The following CSMD1 variants were observed in gnomAD, a reference collection of about 807,000 sequenced individuals.
The protein encoded by CSMD1 is CUB and sushi domain-containing protein 1.
Under a neutral mutation model 417.5 loss-of-function variants are expected in CSMD1, and 213 were observed. That is an observed-to-expected ratio of 0.51 (90% CI 0.46 to 0.57). The LOEUF is 0.57. Ranked by LOEUF, CSMD1 falls within the 20% of genes least tolerant of loss-of-function variation. The pLI is 0.00. For missense variants in CSMD1, 6,923 were observed against 4,529.7 expected (o/e 1.53, Z -15.17); for synonymous variants, 2,862 against 1,736.8 (o/e 1.65, Z -16.11).
At chr8:3,040,493 T>C (rs917621047) in intron 50 of CSMD1, among the ~76,000 whole-genome samples, 1 of 150,432 alleles carries the variant, frequency 6.6e-6, no homozygotes, top group Non-Finnish European at 1.5e-5. Flanking sequence ...TATAAACATA[T>C]ATATGTATAT....
intron 16 of CSMD1, among the ~76,000 whole-genome samples, chr8:3,397,145 G>A (rs1372708711): frequency 6.6e-6 from 1 of 152,088 alleles, no homozygotes; most frequent in Non-Finnish European, 1.5e-5. Context: ...TTTTCTAAGT[G>A]GGCCTATCTG....
chr8:3,870,659 TA>T (rs1805420191), intron 5 of CSMD1, among the ~76,000 whole-genome samples: 1 of 152,136 alleles, frequency 6.6e-6, no homozygotes, highest in African/African-American at 2.4e-5. Flanking sequence ...TTTTTGCTTT[TA>T]TTTACCTGAA....
In CSMD1 at chr8:4,444,743, T is replaced by A. The variant is rs566831787; in HGVS notation, c.303-24678A>T. On this transcript the variant is annotated intron_variant, in intron 2 of 69. Coordinates refer to ENST00000635120, the MANE Select transcript of CSMD1 (RefSeq NM_033225.6). ...GAAGGAAAATAATGAGGTAAAATGA[T>A]ATGAATATGTCTACCTAATTTTCCC... Among the ~76,000 whole-genome samples, 4 of 152,316 alleles carry A rather than the reference T, an allele frequency of 2.6e-5. No homozygotes were observed. In the South Asian group the frequency reaches 8.3e-4, roughly 32 times the overall value.
At chr8:3,665,710 T>A (rs1374170104) in intron 7 of CSMD1, among the ~76,000 whole-genome samples, 1 of 152,020 alleles carries the variant, frequency 6.6e-6, no homozygotes, top group African/African-American at 2.4e-5. Flanking sequence ...CATCGCTACA[T>A]ATCTTATCTC....
chr8:3,430,915 T>A (rs1814178590), intron 12 of CSMD1, among the ~76,000 whole-genome samples: 1 of 152,196 alleles, frequency 6.6e-6, no homozygotes, highest in Admixed American at 6.5e-5. Flanking sequence ...TGGATAATAT[T>A]CTAAGCATTG....
At chr8:3,122,164 GCTTT>G (rs1214990426) in intron 41 of CSMD1, among the ~76,000 whole-genome samples, 2 of 152,034 alleles carry the variant, frequency 1.3e-5, no homozygotes, top group African/African-American at 4.8e-5. Flanking sequence ...ATATTTACAA[GCTTT>G]ATATACAGAA....
At chr8:4,762,996 C>T (rs941532827) in intron 1 of CSMD1, among the ~76,000 whole-genome samples, 7 of 152,080 alleles carry the variant, frequency 4.6e-5, no homozygotes, top group Non-Finnish European at 1.0e-4. Context: ...GATAAGGAAG[C>T]CCTCTGCAAA....
chr8:4,934,130 G>T (rs1295186350), intron 1 of CSMD1, among the ~76,000 whole-genome samples: 1 of 152,136 alleles, frequency 6.6e-6, no homozygotes, highest in South Asian at 2.1e-4. Flanking sequence ...CTTTGACAAG[G>T]AACTCCTGGC....
At chr8:4,161,155 A>T (rs1479550418) in intron 3 of CSMD1, among the ~76,000 whole-genome samples, 1 of 152,158 alleles carries the variant, frequency 6.6e-6, no homozygotes, top group African/African-American at 2.4e-5. Flanking sequence ...AGACATGATA[A>T]AAGTTCAGAA....
At chr8:4,173,088 G>T (rs1026162009) in intron 3 of CSMD1, among the ~76,000 whole-genome samples, 1 of 152,076 alleles carries the variant, frequency 6.6e-6, no homozygotes, top group Non-Finnish European at 1.5e-5. Context: ...TAATTTCAGG[G>T]AAAGGTTGTA....
intron 7 of CSMD1, among the ~76,000 whole-genome samples, chr8:3,641,502 C>T (rs910798172): frequency 2.0e-5 from 3 of 152,164 alleles, no homozygotes; most frequent in Non-Finnish European, 4.4e-5. Flanking sequence ...AAGTATAACT[C>T]GGTCTCTTGG....
chr8:4,674,630 T>C (rs1016803994), intron 1 of CSMD1, among the ~76,000 whole-genome samples: 1 of 152,094 alleles, frequency 6.6e-6, no homozygotes, highest in African/African-American at 2.4e-5. Context: ...AGACAAATAA[T>C]AGTGTTTGGT....
At chr8:4,496,598 T>A (rs1801990364) in intron 2 of CSMD1, among the ~76,000 whole-genome samples, 1 of 152,168 alleles carries the variant, frequency 6.6e-6, no homozygotes, top group Admixed American at 6.6e-5. Context: ...GTGGCTCTCT[T>A]GTTATTGTTA....
chr8:4,465,309 G>C (rs1236560466), intron 2 of CSMD1, among the ~76,000 whole-genome samples: 1 of 152,092 alleles, frequency 6.6e-6, no homozygotes, highest in Non-Finnish European at 1.5e-5. Flanking sequence ...AGGATGTCTT[G>C]GTGAAGATGA....
intron 1 of CSMD1, among the ~76,000 whole-genome samples, chr8:4,946,075 G>A (rs548768329): frequency 1.3e-5 from 2 of 152,228 alleles, no homozygotes; most frequent in East Asian, 1.9e-4. Flanking sequence ...CGCTGGCAAC[G>A]AAAGTCCACT....
intron 3 of CSMD1, among the ~76,000 whole-genome samples, chr8:4,329,157 G>C (rs1037731334): frequency 6.6e-6 from 1 of 152,020 alleles, no homozygotes; most frequent in African/African-American, 2.4e-5. Context: ...TGAATGCACG[G>C]TTCTCATCAA....
At position 3,199,694 on chromosome 8, in the gene CSMD1, A is replaced by G. The variant is rs748758247; in HGVS notation, c.5194+20T>C. The G allele has an allele frequency of 2.6e-6, 4 of 1,527,702 alleles. No individual in the cohort carries two copies. The highest frequency in any genetic ancestry group is 3.6e-6 in the Non-Finnish European group (4 of 1,121,450). 94.6% of individuals were successfully genotyped at this position (1,527,702 alleles called of 1,614,324 possible). ...GGAAAGACCACAGTGACATGTGGAG[A>G]CATGTGGAGTGACGCTTACCTTGAT... is the stretch of plus-strand genomic sequence containing the variant. On this transcript the variant is annotated intron_variant, in intron 33 of 69. Coordinates refer to ENST00000635120, the MANE Select transcript of CSMD1 (RefSeq NM_033225.6).
intron 3 of CSMD1, among the ~76,000 whole-genome samples, chr8:4,254,767 T>A (rs1803334180): frequency 6.6e-6 from 1 of 152,180 alleles, no homozygotes; most frequent in South Asian, 2.1e-4. Context: ...GTGTTACAGT[T>A]GCCTACAGTC....
intron 17 of CSMD1, among the ~76,000 whole-genome samples, chr8:3,390,714 T>G (rs900119357): frequency 6.6e-6 from 1 of 152,092 alleles, no homozygotes; most frequent in African/African-American, 2.4e-5. Context: ...TGCTACTTAA[T>G]GAATAAAGGG....
Sources: allele counts gnomAD v4.1 joint callset (sites outside exome capture counted in the v4.1 genomes callset), GRCh38; gene constraint gnomAD v4.1.1; transcripts MANE v1.5; gene names NCBI Gene and HGNC (gene_info 2026-07-23, HGNC 2026-07-21).